The following TBC1D19 variants were observed in gnomAD, a reference collection of about 807,000 sequenced individuals.
The protein encoded by TBC1D19 is TBC1 domain family, member 19.
In TBC1D19, 60 loss-of-function variants were observed where a neutral mutation model predicts 89.0. The observed-to-expected ratio is 0.67, with a 90% CI of 0.55 to 0.84. TBC1D19 has a LOEUF of 0.84. Among genes scored for constraint, TBC1D19 ranks in the 40% least tolerant of loss-of-function variants. TBC1D19 has a pLI of 0.00. For missense variants in TBC1D19, 500 were observed against 610.8 expected (o/e 0.82, Z 1.91); for synonymous variants, 189 against 199.7 (o/e 0.95, Z 0.45).
chr4:26,807,443 C>A, the TBC1D19 span, among the ~76,000 whole-genome samples: 1 of 152,216 alleles, frequency 6.6e-6, no homozygotes, highest in African/African-American at 2.4e-5. Context: ...CCCTTTCCTG[C>A]CCTCTCTAGG....
the TBC1D19 span, among the ~76,000 whole-genome samples, chr4:26,826,621 G>A: frequency 3.3e-5 from 5 of 152,142 alleles, no homozygotes; most frequent in South Asian, 4.1e-4. Context: ...TGATGTCCGC[G>A]TGTATTTTGT....
At chr4:26,741,196 A>G (rs990376914) in intron 17 of TBC1D19, among the ~76,000 whole-genome samples, 5 of 151,844 alleles carry the variant, frequency 3.3e-5, no homozygotes, top group African/African-American at 1.2e-4. Context: ...CTCTACTAAA[A>G]ATACAAAAAA....
At position 26,596,760 on chromosome 4, in the gene TBC1D19, C is replaced by A. The variant is rs115930925; in HGVS notation, c.99+12468C>A. Among the ~76,000 whole-genome samples, 977 of 152,086 alleles carry A rather than the reference C, an allele frequency of 6.4e-3. 9 individuals are homozygous for A. Among genetic ancestry groups the A allele is most frequent in the African/African-American group, 0.023 (937 of 41,488 alleles). ...TTTCTTCTGAGCACTGCTTTGACTGCATTCCACAGTCCTAATGAGACATAT... is the reference window on the plus strand; with the variant it reads ...TTTCTTCTGAGCACTGCTTTGACTGAATTCCACAGTCCTAATGAGACATAT... On this transcript the variant is annotated intron_variant, in intron 1 of 20. Coordinates refer to ENST00000264866, the MANE Select transcript of TBC1D19 (RefSeq NM_018317.4).
chr4:26,842,366 A>T, the TBC1D19 span, among the ~76,000 whole-genome samples: 2 of 88,932 alleles, frequency 2.2e-5, no homozygotes, highest in South Asian at 3.8e-4. Flanking sequence ...TTTTTTTGAG[A>T]CAGGGTCTCA....
chr4:26,742,684 T>A, intron 18 of TBC1D19, 85 bp downstream of exon 18: 1 of 963,846 alleles, frequency 1.0e-6, no homozygotes, highest in Non-Finnish European at 1.5e-6. Context: ...TGCAAATACG[T>A]AATTTTTCAG....
At chr4:26,851,942 A>C in the TBC1D19 span, among the ~76,000 whole-genome samples, 1 of 152,220 alleles carries the variant, frequency 6.6e-6, no homozygotes, top group Non-Finnish European at 1.5e-5. Context: ...GTCTGGGGAA[A>C]ATGTAAACAA....
the TBC1D19 span, among the ~76,000 whole-genome samples, chr4:26,793,532 C>T: frequency 6.6e-6 from 1 of 151,988 alleles, no homozygotes; most frequent in Non-Finnish European, 1.5e-5. Flanking sequence ...CGAGACCAGC[C>T]TGGCCAACAT....
chr4:26,774,269 T>G, the TBC1D19 span, among the ~76,000 whole-genome samples: 1 of 152,222 alleles, frequency 6.6e-6, no homozygotes, highest in African/African-American at 2.4e-5. Flanking sequence ...TTGACTCTTA[T>G]TTTCATTTTA....
chr4:26,724,749 G>A (rs1287628289), intron 15 of TBC1D19, among the ~76,000 whole-genome samples: 1 of 152,122 alleles, frequency 6.6e-6, no homozygotes, highest in Non-Finnish European at 1.5e-5. Flanking sequence ...AGCCTCAAAG[G>A]CAGTCAGAAG....
At chr4:26,634,320 C>T (rs1278307113) in intron 4 of TBC1D19, among the ~76,000 whole-genome samples, 1 of 151,962 alleles carries the variant, frequency 6.6e-6, no homozygotes, top group Admixed American at 6.6e-5. Flanking sequence ...TGTATGGGTC[C>T]CATGGCATTA....
At chr4:26,622,867 C>T (rs1012147025) in intron 4 of TBC1D19, among the ~76,000 whole-genome samples, 11 of 152,190 alleles carry the variant, frequency 7.2e-5, no homozygotes, top group East Asian at 1.9e-4. Flanking sequence ...TGCCTATCCC[C>T]GCACTAAATT....
At chr4:26,710,120 T>C (rs957142719) in intron 13 of TBC1D19, among the ~76,000 whole-genome samples, 1 of 152,086 alleles carries the variant, frequency 6.6e-6, no homozygotes, top group African/African-American at 2.4e-5. Context: ...CATGTTGGTG[T>C]GCTGCACCCA....
chr4:26,628,907 T>A (rs1221630392), intron 4 of TBC1D19, among the ~76,000 whole-genome samples: 1 of 151,954 alleles, frequency 6.6e-6, no homozygotes, highest in East Asian at 1.9e-4. Flanking sequence ...GTAGGAAGAA[T>A]CAATATCATG....
chr4:26,692,215 G>A (rs1361781000), intron 13 of TBC1D19, among the ~76,000 whole-genome samples: 1 of 152,078 alleles, frequency 6.6e-6, no homozygotes, highest in East Asian at 1.9e-4. Flanking sequence ...CACAGGAGGG[G>A]CAGATGGCCA....
chr4:26,591,907 G>A (rs1030701413), intron 1 of TBC1D19, among the ~76,000 whole-genome samples: 1 of 152,176 alleles, frequency 6.6e-6, no homozygotes, highest in South Asian at 2.1e-4. Context: ...TCTACCAGAG[G>A]TACAAGGAGG....
chr4:26,715,701 C>T (rs916910677), intron 13 of TBC1D19, among the ~76,000 whole-genome samples: 1 of 152,062 alleles, frequency 6.6e-6, no homozygotes, highest in African/African-American at 2.4e-5. Flanking sequence ...TAGGCCATTT[C>T]AGGAAAAGGG....
chr4:26,834,622 A>G, the TBC1D19 span, among the ~76,000 whole-genome samples: 1 of 152,088 alleles, frequency 6.6e-6, no homozygotes, highest in African/African-American at 2.4e-5. Context: ...TGGAGATGGG[A>G]GACTCTGGGG....
intron 15 of TBC1D19, among the ~76,000 whole-genome samples, chr4:26,729,021 A>AG (rs780429502): frequency 2.0e-5 from 3 of 152,260 alleles, no homozygotes; most frequent in Non-Finnish European, 2.9e-5. Flanking sequence ...TCTCAAAAAA[A>AG]GAAAAAAAGA....
the TBC1D19 span, among the ~76,000 whole-genome samples, chr4:26,818,768 T>C: frequency 6.6e-6 from 1 of 152,180 alleles, no homozygotes; most frequent in Non-Finnish European, 1.5e-5. Context: ...GATTTTAACA[T>C]TGAAAGTACT....
Sources: gnomAD v4.1 joint callset for allele counts (sites outside exome capture counted in the v4.1 genomes callset) on GRCh38, gnomAD v4.1.1 for gene constraint, MANE v1.5 for transcripts, NCBI Gene and HGNC (gene_info 2026-07-23, HGNC 2026-07-21) for gene names.